The following MGST1 variants were observed in gnomAD, a reference collection of about 807,000 sequenced individuals.
MGST1 encodes the protein microsomal glutathione S-transferase 1, also known as glutathione S-transferase 12.
Under a neutral mutation model 8.9 loss-of-function variants are expected in MGST1, and 5 were observed. The observed-to-expected ratio is 0.56, with a 90% CI of 0.29 to 1.19. MGST1 has a LOEUF of 1.19. Among genes scored for constraint, MGST1 ranks in the 50% most tolerant of loss-of-function variants. MGST1 has a pLI of 0.08. For missense variants in MGST1, 182 were observed against 187.4 expected (o/e 0.97, Z 0.17); for synonymous variants, 54 against 67.8 (o/e 0.80, Z 1.00).
At chr12:16,469,855 CA>C (rs1342903271) in intron 4 of MGST1, among the ~76,000 whole-genome samples, 1 of 152,176 alleles carries the variant, frequency 6.6e-6, no homozygotes, top group African/African-American at 2.4e-5. Context: ...CTTGAATAAT[CA>C]AAGCATTTTT....
chr12:16,562,391 A>G (rs111413051), intron 4 of MGST1, among the ~76,000 whole-genome samples: 19 of 152,334 alleles, frequency 1.2e-4, no homozygotes, highest in African/African-American at 4.1e-4. Context: ...AACATGCGAT[A>G]AAGCCGTTTT....
At chr12:16,384,171 G>T (rs1408275231) in intron 1 of MGST1, among the ~76,000 whole-genome samples, 5 of 152,122 alleles carry the variant, frequency 3.3e-5, no homozygotes, top group Non-Finnish European at 7.4e-5. Context: ...TCTGGCCTTT[G>T]TGAGAAGATA....
chr12:16,412,229 AT>A, intron 1 of MGST1, among the ~76,000 whole-genome samples: 1 of 152,264 alleles, frequency 6.6e-6, no homozygotes. Flanking sequence ...CATGAGTACA[AT>A]CTGAATCATA....
intron 4 of MGST1, among the ~76,000 whole-genome samples, chr12:16,486,871 G>T (rs571785304): frequency 2.4e-5 from 3 of 127,228 alleles, no homozygotes; most frequent in Non-Finnish European, 5.7e-5. Flanking sequence ...TGGGTACAGG[G>T]TTCTACTTGA....
At position 16,369,615 on chromosome 12, in the gene MGST1, GTACT is replaced by G. The variant is rs1279004849; in HGVS notation, c.222-6500_222-6497del. On this transcript the variant is annotated intron_variant, in intron 3 of 3. Transcript: ENST00000535309. The surrounding 1 kb of genome is among the most constrained non-coding windows in gnomAD (Gnocchi z 4.8). ...AATAATGTTTTATTGGAACGCAGCA[GTACT>G]TACTTATTTTTATATTTCCTGCAAC... Among the ~76,000 whole-genome samples, 1 of 152,114 alleles carries G rather than the reference GTACT, an allele frequency of 6.6e-6. No individual in the cohort carries two copies. Among genetic ancestry groups the G allele is most frequent in the Non-Finnish European group, 1.5e-5 (1 of 68,018 alleles).
intron 1 of MGST1, chr12:16,402,047 A>G: frequency 5.1e-6 from 8 of 1,580,278 alleles, no homozygotes; most frequent in Non-Finnish European, 7.0e-6. Context: ...TGCTTTCTTT[A>G]ATGGCTTCAA....
rs1039649458 is a variant in MGST1, at chr12:16,389,049, C to G, written n.778+5445C>G. 6.6e-6 allele frequency among the ~76,000 whole-genome samples: 1 copy of G among 152,198 alleles called. No individual in the cohort carries two copies. Among genetic ancestry groups the G allele is most frequent in the Non-Finnish European group, 1.5e-5 (1 of 68,036 alleles). ...ACCTTCTTGGGGAAATTAAGTTAAT[C>G]TTGTAAAGTGCCACTTTGCGTATCT... On this transcript the variant is annotated intron_variant and non_coding_transcript_variant, in intron 1 of 1. Transcript: ENST00000359720. The surrounding 1 kb of genome is among the most constrained non-coding windows in gnomAD (Gnocchi z 4.6).
chr12:16,514,393 A>G (rs1224375105), intron 4 of MGST1: 11 of 279,384 alleles, frequency 3.9e-5, no homozygotes, highest in Non-Finnish European at 7.2e-6. Flanking sequence ...TTGTGAAAAC[A>G]ATGGTTGCAA....
chr12:16,377,199 G>A (rs1940394804), downstream of MGST1: 1 of 151,682 alleles, frequency 6.6e-6, no homozygotes. Context: ...ACAACGTGCA[G>A]GTTTGTTACA....
At chr12:16,383,806 G>T (rs1175092809) in intron 1 of MGST1, among the ~76,000 whole-genome samples, 1 of 152,132 alleles carries the variant, frequency 6.6e-6, no homozygotes, top group Non-Finnish European at 1.5e-5. Flanking sequence ...GCCATGTGGG[G>T]ACAATATCAT....
At chr12:16,580,200 A>C (rs1943117079) in intron 4 of MGST1, among the ~76,000 whole-genome samples, 1 of 152,180 alleles carries the variant, frequency 6.6e-6, no homozygotes, top group Non-Finnish European at 1.5e-5. Context: ...TCCTGGGCTC[A>C]AGTGGTCCTC....
At chr12:16,457,975 C>T (rs879834116) in intron 4 of MGST1, among the ~76,000 whole-genome samples, 10 of 151,960 alleles carry the variant, frequency 6.6e-5, no homozygotes, top group Admixed American at 2.0e-4. Context: ...TTAATTTGCA[C>T]TACCCAATAT....
At chr12:16,423,783 G>A (rs888592508) in intron 1 of MGST1, among the ~76,000 whole-genome samples, 1 of 152,100 alleles carries the variant, frequency 6.6e-6, no homozygotes, top group Non-Finnish European at 1.5e-5. Context: ...CCAGATCTAA[G>A]GTAAGTCAAT....
At chr12:16,382,120 A>T (rs962875683), downstream of MGST1, among the ~76,000 whole-genome samples, 1 of 152,048 alleles carries the variant, frequency 6.6e-6, no homozygotes, top group Non-Finnish European at 1.5e-5. Context: ...GATCATCTGA[A>T]GCCTTCTTCT....
chr12:16,414,386 G>T, intron 1 of MGST1, among the ~76,000 whole-genome samples: 2 of 137,122 alleles, frequency 1.5e-5, no homozygotes, highest in African/African-American at 2.7e-5. Flanking sequence ...TAGGCCTCAA[G>T]GTGTTTTTAT....
chr12:16,361,377 G>A lies in MGST1; in HGVS notation c.222-2418G>A, dbSNP rs1231782313. 2.0e-5 allele frequency among the ~76,000 whole-genome samples: 3 copies of A among 152,214 alleles called. No individual in the cohort carries two copies. On this transcript the variant is annotated intron_variant, in intron 3 of 3. Transcript: ENST00000396210. The surrounding 1 kb of genome is among the most constrained non-coding windows in gnomAD (Gnocchi z 4.2). The stretch of plus-strand genomic sequence containing the variant: ...CTGTGGCCTCAAGAGCACAGAGATG[G>A]TGGGAAGGTCCGTCACAGAGCAAAT...
intron 1 of MGST1, among the ~76,000 whole-genome samples, chr12:16,417,526 G>C (rs753970826): frequency 1.3e-5 from 2 of 152,150 alleles, no homozygotes; most frequent in African/African-American, 2.4e-5. Flanking sequence ...TCCTCCAGGA[G>C]CTGAGAGAGC....
At chr12:16,380,678 G>A (rs1940444464), downstream of MGST1, among the ~76,000 whole-genome samples, 1 of 152,176 alleles carries the variant, frequency 6.6e-6, no homozygotes, top group African/African-American at 2.4e-5. Flanking sequence ...GCAGAGCTGA[G>A]TTCAATTCCT....
chr12:16,394,938 A>G (rs1184348132), intron 1 of MGST1, among the ~76,000 whole-genome samples: 6 of 151,944 alleles, frequency 3.9e-5, no homozygotes, highest in Non-Finnish European at 7.4e-5. Flanking sequence ...TTTTTTATAT[A>G]CTGAAAACTA....
Sources: allele counts gnomAD v4.1 joint callset (sites outside exome capture counted in the v4.1 genomes callset), GRCh38; gene constraint gnomAD v4.1.1; non-coding constraint Gnocchi (gnomAD v3.1); transcripts MANE v1.5; gene names NCBI Gene and HGNC (gene_info 2026-07-23, HGNC 2026-07-21).